Variants in C1orf167 observed in about 807,000 individuals in gnomAD.
C1orf167 encodes the protein chromosome 1 open reading frame 167.
In C1orf167, 153 loss-of-function variants were observed where a neutral mutation model predicts 176.5. That is an observed-to-expected ratio of 0.87 (90% CI 0.76 to 0.99). C1orf167 has a LOEUF of 0.99. C1orf167 is among the 50% of genes least tolerant of loss of function. The probability of loss-of-function intolerance (pLI) is 0.00; values close to 1 mark genes in which losing one functional copy is unlikely to be tolerated. For synonymous variants in C1orf167, 594 were observed against 752.7 expected (o/e 0.79, Z 3.45); for missense variants, 1,490 against 1,817.7 (o/e 0.82, Z 3.28).
At chr1:11,763,382 T>C (rs1023791267) in intron 1 of C1orf167, among the ~76,000 whole-genome samples, 4 of 149,642 alleles carry the variant, frequency 2.7e-5, no homozygotes, top group Non-Finnish European at 5.9e-5. Context: ...CAGGCGGAGG[T>C]TGCAGTGAGC....
rs889768426 is a variant in C1orf167, at chr1:11,768,146, G to A, written c.1413G>A (p.Ala471=). The part of the protein sequence containing the change: ...HLVKRQREPA[A]AAVALGRWQL... ...TGAAGAGGCAGCGGGAGCCAGCGGC[G>A]GCGGCAGTGGCACTGGGCCGCTGGC... is the stretch of plus-strand genomic sequence containing the variant. Residue 471 remains alanine (A), a synonymous_variant, in exon 5 of 21, where the codon GCG becomes GCA. Coordinates refer to ENST00000688073, the MANE Select transcript of C1orf167 (RefSeq NM_001010881.2). This position sits in a 1 kb window ranked among gnomAD's most constrained non-coding sequence, Gnocchi z 4.5. 20 of 1,287,798 alleles carry A rather than the reference G, an allele frequency of 1.6e-5. No homozygotes were observed. The highest frequency in any genetic ancestry group is 6.1e-5 in the African/African-American group (4 of 65,858). The allele number at this position is 1,287,798 out of a possible 1,614,324, so 79.8% of individuals were successfully genotyped here.
Position 11,765,931 on chromosome 1 carries a change from G to T in C1orf167, c.145G>T (p.Val49Leu). ...TGACCAGTGGGTGCCCGGGTGCCAG[G>T]TGGAGAGGGGAGGGCCTGCTGCCAC... ...RHDQWVPGCQ[V>L]ERGGPAATPS... Residue 49 changes from valine to leucine, a missense_variant, in exon 3 of 21, where the codon GTG (valine) becomes TTG (leucine). Transcript: ENST00000688073. The T allele has an allele frequency of 1.6e-6, 2 of 1,246,756 alleles. No individual in the cohort carries two copies. Among genetic ancestry groups the T allele is most frequent in the Non-Finnish European group, 2.1e-6 (2 of 967,078 alleles). 77.2% of individuals were successfully genotyped at this position (1,246,756 alleles called of 1,614,324 possible).
chr1:11,768,174 C>T lies in C1orf167; in HGVS notation c.1441C>T (p.Leu481=). The stretch of plus-strand genomic sequence containing the variant: ...GGCAGTGGCACTGGGCCGCTGGCAG[C>T]TGTTGCGAAAGTGCCTTCAGGCCTT... ...AAAVALGRWQ[L]LRKCLQALWL... Residue 481 remains leucine (L), a synonymous_variant, in exon 5 of 21, where the codon CTG becomes TTG. Coordinates refer to ENST00000688073, the MANE Select transcript of C1orf167 (RefSeq NM_001010881.2). This position sits in a 1 kb window ranked among gnomAD's most constrained non-coding sequence, Gnocchi z 4.5. The T allele has an allele frequency of 7.8e-7, 1 of 1,287,966 alleles. No individual in the cohort carries two copies. Among genetic ancestry groups the T allele is most frequent in the Non-Finnish European group, 1.0e-6 (1 of 987,256 alleles). 79.8% of individuals were successfully genotyped at this position (1,287,966 alleles called of 1,614,324 possible).
chr1:11,789,487 TC>T lies in C1orf167; in HGVS notation c.*44del, dbSNP rs1017888740. The T allele has an allele frequency of 2.3e-6, 3 of 1,291,906 alleles. No individual in the cohort carries two copies. The African/African-American group carries it at 4.6e-5, about 20-fold the overall frequency. The allele number at this position is 1,291,906 out of a possible 1,614,324, so 80.0% of individuals were successfully genotyped here. Reference sequence around the variant, plus strand: ...TAAAAAACAGAACTGAACTTAGCCTTCCCAGGGAAGGAACCATGCCCCACAC... The same window carrying T: ...TAAAAAACAGAACTGAACTTAGCCTTCCAGGGAAGGAACCATGCCCCACAC... On this transcript the variant is annotated 3_prime_UTR_variant, in exon 21 of 21. Coordinates refer to ENST00000688073, the MANE Select transcript of C1orf167 (RefSeq NM_001010881.2).
Position 11,768,362 on chromosome 1 carries a change from C to T in C1orf167, c.1542+87C>T. 8.6e-7 allele frequency: 1 copy of T among 1,156,082 alleles called. No homozygotes were observed. The highest frequency in any genetic ancestry group is 1.1e-6 in the Non-Finnish European group (1 of 881,350). 71.6% of individuals were successfully genotyped at this position (1,156,082 alleles called of 1,614,324 possible). A position where few individuals can be genotyped will look rare whatever the true frequency, so the allele number is the denominator to read the frequency against. ...ACTCAGTCTACGGAGAGGACACCCA[C>T]TGGGCATAGGTGGCACCTCATGAAT... On this transcript the variant is annotated intron_variant, in intron 5 of 20. Transcript: ENST00000688073. The surrounding 1 kb of genome is among the most constrained non-coding windows in gnomAD (Gnocchi z 4.5).
At chr1:11,767,657 T>C (rs1186487951) in intron 4 of C1orf167, among the ~76,000 whole-genome samples, 1 of 151,902 alleles carries the variant, frequency 6.6e-6, no homozygotes, top group Non-Finnish European at 1.5e-5. Context: ...ACCCCGTCTC[T>C]ACAAAAAAAA....
At chr1:11,775,410 G>A (rs1258930164) in intron 8 of C1orf167, 25 bp from the exon 9 acceptor site, 1 of 1,272,582 alleles carries the variant, frequency 7.9e-7, no homozygotes, top group Non-Finnish European at 1.0e-6. Context: ...CAATTGACAT[G>A]GGTACTTTCC....
At chr1:11,779,674 A>T in intron 12 of C1orf167, 128 bp from the exon 13 acceptor site, 1 of 670,136 alleles carries the variant, frequency 1.5e-6, no homozygotes, top group Non-Finnish European at 2.2e-6. Context: ...ACCCTCCCAT[A>T]ATGGAAACAG....
At position 11,782,272 on chromosome 1, in the gene C1orf167, C is replaced by T; in HGVS notation, c.2944C>T (p.Gln982Ter). ...GCAGAAGGTGGTGTTCCGGAGCTGG[C>T]AGCAGGCAGCAGCTCATCAGAGATG... ...GLQKVVFRSWQQAAAHQRCTV... is the reference protein window; with the variant it reads ...GLQKVVFRSW The change falls in exon 14 of 21, where the codon CAG (glutamine) becomes TAG (stop). Residue 982 changes from glutamine (Q) to a stop codon, truncating the protein, a stop_gained. Coordinates refer to ENST00000688073, the MANE Select transcript of C1orf167 (RefSeq NM_001010881.2). LOFTEE classifies it high-confidence loss of function. 1 of 1,300,944 alleles carries T rather than the reference C, an allele frequency of 7.7e-7. No homozygotes were observed. Among genetic ancestry groups the T allele is most frequent in the Non-Finnish European group, 1.0e-6 (1 of 987,850 alleles). The allele number at this position is 1,300,944 out of a possible 1,614,324, so 80.6% of individuals were successfully genotyped here.
chr1:11,768,003 G>A lies in C1orf167; in HGVS notation c.1344-74G>A, dbSNP rs1570380880. 8.8e-7 allele frequency: 1 copy of A among 1,138,290 alleles called. No individual in the cohort carries two copies. The highest frequency in any genetic ancestry group is 1.1e-6 in the Non-Finnish European group (1 of 885,698). The allele number at this position is 1,138,290 out of a possible 1,614,324, so 70.5% of individuals were successfully genotyped here. ...TGATTGCTGGAAAGGCATCTCAGAG[G>A]GTATCCAGCCACTGGGCTGTCCCTG... On this transcript the variant is annotated intron_variant, in intron 4 of 20. Coordinates refer to ENST00000688073, the MANE Select transcript of C1orf167 (RefSeq NM_001010881.2). The surrounding 1 kb of genome is among the most constrained non-coding windows in gnomAD (Gnocchi z 4.5).
At chr1:11,769,678 T>TG (rs978636982) in intron 6 of C1orf167, among the ~76,000 whole-genome samples, 8 of 150,752 alleles carry the variant, frequency 5.3e-5, no homozygotes, top group Non-Finnish European at 7.4e-5. Flanking sequence ...TAGGAAGTTT[T>TG]TTTTTTTTTT....
chr1:11,784,492 C>T lies in C1orf167; in HGVS notation c.3324C>T (p.Ala1108=), dbSNP rs1315920028. The change falls in exon 15 of 21, where the codon GCC becomes GCT. Residue 1108 remains alanine, a synonymous_variant. Transcript: ENST00000688073. ...AGCAGGCAGGAGAGAGCGCTGGGGC[C>T]CAGGCAGCCCAGTGCTGGACTTGGT... ...AQQQAGESAG[A]QAAQCWTWCW... The T allele has an allele frequency of 8.4e-6, 11 of 1,303,068 alleles. No individual in the cohort carries two copies. In the African/African-American group the frequency reaches 9.1e-5, roughly 11 times the overall value. 80.7% of individuals were successfully genotyped at this position (1,303,068 alleles called of 1,614,324 possible). A position where few individuals can be genotyped will look rare whatever the true frequency, so the allele number is the denominator to read the frequency against.
intron 10 of C1orf167, 117 bp from the exon 11 acceptor site, chr1:11,778,543 C>T (rs1178807144): frequency 4.4e-6 from 4 of 912,330 alleles, no homozygotes; most frequent in Middle Eastern, 4.1e-4. Context: ...TGGCCTGTGG[C>T]GAGCACCCTT....
chr1:11,762,238 G>GA lies in C1orf167; in HGVS notation c.-138_-137insA. On this transcript the variant is annotated 5_prime_UTR_variant, in exon 1 of 21. Coordinates refer to ENST00000688073, the MANE Select transcript of C1orf167 (RefSeq NM_001010881.2). ...ACCTGCCGACCTGCGGGGATCGTTA[G>GA]CGGTCCCAGCCCCCGTCTAGATTCA... The GA allele has an allele frequency of 2.3e-6, 1 of 442,996 alleles. No homozygotes were observed. Among genetic ancestry groups the GA allele is most frequent in the South Asian group, 1.6e-5 (1 of 63,284 alleles). 27.4% of individuals were successfully genotyped at this position (442,996 alleles called of 1,614,324 possible).
rs540716709 is a variant in C1orf167, at chr1:11,771,487, G to A, written c.1698-37G>A. On this transcript the variant is annotated intron_variant, in intron 6 of 20. Transcript: ENST00000688073. The stretch of plus-strand genomic sequence containing the variant: ...GTTGGGACCGAGTGCCCTTCCTCCC[G>A]GGTCATCAGCTTCTCTCTGGGCAAC... The A allele has an allele frequency of 5.5e-4, 698 of 1,261,406 alleles. 2 individuals carry two copies. The highest frequency in any genetic ancestry group is 6.4e-4 in the Non-Finnish European group (618 of 963,044). 78.1% of individuals were successfully genotyped at this position (1,261,406 alleles called of 1,614,324 possible). A position where few individuals can be genotyped will look rare whatever the true frequency, so the allele number is the denominator to read the frequency against.
At chr1:11,773,730 A>G (rs1643186951) in intron 8 of C1orf167, among the ~76,000 whole-genome samples, 1 of 152,118 alleles carries the variant, frequency 6.6e-6, no homozygotes, top group Non-Finnish European at 1.5e-5. Context: ...ATAAATAAAT[A>G]ATAAAAACAT....
At chr1:11,762,920 AGAGT>A (rs761348833) in intron 1 of C1orf167, among the ~76,000 whole-genome samples, 2 of 152,180 alleles carry the variant, frequency 1.3e-5, no homozygotes, top group Non-Finnish European at 2.9e-5. Flanking sequence ...CAGGGCAAAG[AGAGT>A]GAGGAGAGGC....
intron 19 of C1orf167, 85 bp downstream of exon 19, chr1:11,788,463 T>C (rs2100467342): frequency 8.3e-7 from 1 of 1,197,708 alleles, no homozygotes; most frequent in Non-Finnish European, 1.1e-6. Flanking sequence ...GTATGGCCCT[T>C]GGACCTACTG....
intron 1 of C1orf167, among the ~76,000 whole-genome samples, chr1:11,762,681 C>G (rs532076318): frequency 6.6e-6 from 1 of 152,296 alleles, no homozygotes; most frequent in African/African-American, 2.4e-5. Context: ...GGCTGCAGTG[C>G]AGATTAAATG....
Sources: gnomAD v4.1 joint callset for allele counts (sites outside exome capture counted in the v4.1 genomes callset) on GRCh38, gnomAD v4.1.1 for gene constraint, Gnocchi (gnomAD v3.1) non-coding constraint, MANE v1.5 for transcripts, NCBI Gene and HGNC (gene_info 2026-07-23, HGNC 2026-07-21) for gene names.